The following DMD variants were observed in gnomAD, a reference collection of about 807,000 sequenced individuals.
The protein encoded by DMD is dystrophin.
In DMD, 63 loss-of-function variants were observed where a neutral mutation model predicts 330.1. The observed-to-expected ratio is 0.19, with a 90% CI of 0.16 to 0.24. The LOEUF (loss-of-function observed/expected upper bound fraction) is 0.24. Among genes scored for constraint, DMD ranks in the 10% least tolerant of loss-of-function variants. DMD has a pLI of 1.00. For missense variants in DMD, 3,344 were observed against 2,684.1 expected (o/e 1.25, Z -5.43); for synonymous variants, 1,223 against 959.8 (o/e 1.27, Z -5.07).
At chrX:31,831,365 A>G (rs1337468390) in intron 49 of DMD, among the ~76,000 whole-genome samples, 1 of 112,166 alleles carries the variant, frequency 8.9e-6, no homozygotes, top group Non-Finnish European at 1.9e-5. Flanking sequence ...TATAAAATGT[A>G]AGACTGCAAA....
chrX:31,201,880 CT>C (rs1422576534), intron 67 of DMD, among the ~76,000 whole-genome samples: 1 of 112,113 alleles, frequency 8.9e-6, no homozygotes, highest in Non-Finnish European at 1.9e-5. Context: ...GTGTGTTTCA[CT>C]AGAACTCAAA....
intron 1 of DMD, among the ~76,000 whole-genome samples, chrX:33,113,842 A>G (rs182868602): frequency 1.5e-4 from 17 of 111,260 alleles, no homozygotes; most frequent in African/African-American, 5.2e-4. Flanking sequence ...AGAAAAGTAA[A>G]TTCTCATGTA....
At chrX:31,670,935 C>T (rs1232638168) in intron 53 of DMD, among the ~76,000 whole-genome samples, 12 of 104,673 alleles carry the variant, frequency 1.1e-4, no homozygotes, top group South Asian at 8.7e-4. Context: ...TTTTTTTAGA[C>T]GGAGTCTCGC....
Position 32,252,925 on chromosome X carries a change from TATAA to T in DMD, c.6290+34600_6290+34603del, listed in dbSNP as rs1373070829. ...ATATATACATAAATATATATAGATA[TATAA>T]ATATATATATACATAAATATATATA... On this transcript the variant is annotated intron_variant, in intron 43 of 78. Coordinates refer to ENST00000357033, the MANE Select transcript of DMD (RefSeq NM_004006.3). Among the ~76,000 whole-genome samples, 250 of 85,748 alleles carry T rather than the reference TATAA, an allele frequency of 2.9e-3. 3 individuals carry two copies. Among genetic ancestry groups the T allele is most frequent in the Middle Eastern group, 0.011 (2 of 177 alleles). 74.5% of individuals were successfully genotyped at this position (85,748 alleles called of 115,157 possible).
At chrX:32,458,454 T>C (rs1426902615) in intron 25 of DMD, among the ~76,000 whole-genome samples, 1 of 111,445 alleles carries the variant, frequency 9.0e-6, no homozygotes, top group Non-Finnish European at 1.9e-5. Context: ...GCTGTAAACA[T>C]AGGGGTGCAG....
chrX:33,100,839 G>A (rs2095230770), intron 1 of DMD, among the ~76,000 whole-genome samples: 1 of 111,842 alleles, frequency 8.9e-6, no homozygotes, highest in Non-Finnish European at 1.9e-5. Flanking sequence ...GAATATCTCA[G>A]AAATCTACCC....
intron 21 of DMD, among the ~76,000 whole-genome samples, chrX:32,473,066 TATATATGAAATGTGACTTAAGC>T (rs1269293843): frequency 5.4e-5 from 6 of 111,241 alleles, no homozygotes; most frequent in African/African-American, 2.0e-4. Context: ...TGTATATGTA[TATATATGAAATGTGACTTAAGC>T]AGCCACATGG....
At chrX:32,679,494 G>A (rs900376807) in intron 9 of DMD, among the ~76,000 whole-genome samples, 2 of 110,994 alleles carry the variant, frequency 1.8e-5, no homozygotes, top group South Asian at 3.8e-4. Context: ...CAAAATTGGC[G>A]AAAAATTTTA....
rs939024455 is a variant in DMD, at chrX:31,350,469, G to A, written c.9085-1835C>T. 6.3e-5 allele frequency among the ~76,000 whole-genome samples: 7 copies of A among 111,855 alleles called. No homozygotes were observed. In the Admixed American group the frequency reaches 6.7e-4, roughly 11 times the overall value. On this transcript the variant is annotated intron_variant, in intron 60 of 78. Coordinates refer to ENST00000357033, the MANE Select transcript of DMD (RefSeq NM_004006.3). Reference sequence around the variant, plus strand: ...TTCTTGATAGCAGGGACCATTTTTTGTTTACCTTTCTCTTCGAATGTCTCC... The same window carrying A: ...TTCTTGATAGCAGGGACCATTTTTTATTTACCTTTCTCTTCGAATGTCTCC...
intron 55 of DMD, among the ~76,000 whole-genome samples, chrX:31,616,603 A>G (rs1287233336): frequency 8.9e-6 from 1 of 112,282 alleles, no homozygotes; most frequent in Non-Finnish European, 1.9e-5. Context: ...CATGTGACAC[A>G]CACAGTCTTG....
chrX:33,042,707 G>T lies in DMD; in HGVS notation c.32-22507C>A, dbSNP rs189864344. On this transcript the variant is annotated intron_variant, in intron 1 of 78. Transcript: ENST00000357033. ...TTGCTAAATGCATTCACAGCCTGTT[G>T]CTCTAATTATTTGAGGTTTTTTATG... 4.6e-3 allele frequency among the ~76,000 whole-genome samples: 516 copies of T among 112,392 alleles called. 3 individuals are homozygous for T. Among genetic ancestry groups the T allele is most frequent in the African/African-American group, 0.016 (496 of 30,975 alleles).
chrX:31,980,114 C>G (rs1284757066), intron 44 of DMD, among the ~76,000 whole-genome samples: 1 of 112,069 alleles, frequency 8.9e-6, no homozygotes. Flanking sequence ...ATGGCACAAC[C>G]ACTTTAGAAA....
chrX:31,392,752 T>G (rs2060738040), intron 60 of DMD, among the ~76,000 whole-genome samples: 1 of 112,095 alleles, frequency 8.9e-6, no homozygotes, highest in Admixed American at 9.5e-5. Flanking sequence ...GGTTTTATGG[T>G]TTAGTAATGT....
chrX:32,479,881 T>C (rs929635989), intron 21 of DMD, among the ~76,000 whole-genome samples: 2 of 110,296 alleles, frequency 1.8e-5, no homozygotes, highest in Non-Finnish European at 3.8e-5. Context: ...GGATATGGCA[T>C]GGGCAACAAA....
chrX:33,013,156 A>G (rs2093732101), intron 2 of DMD, among the ~76,000 whole-genome samples: 2 of 110,787 alleles, frequency 1.8e-5, no homozygotes, highest in South Asian at 7.6e-4. Flanking sequence ...CATGAGTTTT[A>G]GAGTCCATTT....
At chrX:32,977,348 A>G (rs1333760838) in intron 2 of DMD, among the ~76,000 whole-genome samples, 1 of 111,241 alleles carries the variant, frequency 9.0e-6, no homozygotes, top group Non-Finnish European at 1.9e-5. Flanking sequence ...AAAATAAGAT[A>G]ATACACCCAA....
chrX:32,523,280 T>C (rs2046619650), intron 17 of DMD, among the ~76,000 whole-genome samples: 2 of 111,532 alleles, frequency 1.8e-5, no homozygotes, highest in African/African-American at 6.5e-5. Context: ...CCCTCCTGTC[T>C]TTAACTCCAC....
At chrX:32,980,341 C>A (rs1219007661) in intron 2 of DMD, among the ~76,000 whole-genome samples, 3 of 81,883 alleles carry the variant, frequency 3.7e-5, no homozygotes, top group Non-Finnish European at 6.6e-5. Context: ...ACCACTCCTG[C>A]TTGGGCGACA....
At chrX:31,826,629 A>C (rs1379972764) in intron 49 of DMD, among the ~76,000 whole-genome samples, 1 of 112,472 alleles carries the variant, frequency 8.9e-6, no homozygotes, top group African/African-American at 3.2e-5. Context: ...TCATATAATA[A>C]AATTTAAGCA....
Sources: allele counts gnomAD v4.1 joint callset (sites outside exome capture counted in the v4.1 genomes callset), GRCh38; gene constraint gnomAD v4.1.1; transcripts MANE v1.5; gene names NCBI Gene and HGNC (gene_info 2026-07-23, HGNC 2026-07-21).